Variants in EML6 observed in about 807,000 individuals in gnomAD.
The protein encoded by EML6 is EMAP like 6, also known as echinoderm microtubule-associated protein-like 6.
In EML6, 154 loss-of-function variants were observed where a neutral mutation model predicts 240.1. That is an observed-to-expected ratio of 0.64 (90% confidence interval 0.56 to 0.73). EML6 has a LOEUF of 0.73. Ranked by LOEUF, EML6 falls within the 30% of genes least tolerant of loss-of-function variation. The pLI is 0.00. For synonymous variants in EML6, 1,148 were observed against 899.0 expected (o/e 1.28, Z -4.95); for missense variants, 2,964 against 2,474.6 (o/e 1.20, Z -4.20).
intron 3 of EML6, 28 bp from the exon 4 acceptor site, chr2:54,816,759 G>C (rs1668099805): frequency 5.5e-6 from 8 of 1,459,990 alleles, no homozygotes; most frequent in African/African-American, 1.4e-5. Flanking sequence ...ATCACTTTTA[G>C]GTACTAAATT....
At chr2:54,895,057 T>C (rs1672690590) in intron 20 of EML6, 31 bp downstream of exon 20, 1 of 1,477,628 alleles carries the variant, frequency 6.8e-7, no homozygotes, top group Non-Finnish European at 9.3e-7. Flanking sequence ...ATAGAGATCT[T>C]TGTATTCATA....
intron 5 of EML6, among the ~76,000 whole-genome samples, chr2:54,827,267 G>C (rs1294558032): frequency 6.6e-6 from 1 of 152,188 alleles, no homozygotes; most frequent in Non-Finnish European, 1.5e-5. Context: ...TTGTCCACTT[G>C]ATTCCAACTC....
chr2:54,951,015 C>T (rs1158961542), intron 30 of EML6, among the ~76,000 whole-genome samples: 4 of 152,068 alleles, frequency 2.6e-5, no homozygotes, highest in Non-Finnish European at 5.9e-5. Flanking sequence ...AGAGAGAAGG[C>T]GGCCATGTTG....
chr2:54,800,970 TG>T (rs1670105547), intron 2 of EML6, among the ~76,000 whole-genome samples: 1 of 152,064 alleles, frequency 6.6e-6, no homozygotes, highest in Non-Finnish European at 1.5e-5. Context: ...TTACCCTTCA[TG>T]TTATCTGTTT....
intron 2 of EML6, among the ~76,000 whole-genome samples, chr2:54,731,636 G>T (rs1268811609): frequency 6.6e-6 from 1 of 151,960 alleles, no homozygotes; most frequent in East Asian, 1.9e-4. Context: ...ATATATATAT[G>T]ACTGTGTTTT....
At chr2:54,962,396 C>T in intron 35 of EML6, 127 bp from the exon 36 acceptor site, 1 of 732,142 alleles carries the variant, frequency 1.4e-6, no homozygotes, top group Non-Finnish European at 2.2e-6. Context: ...CCCCTGTCCA[C>T]CACCCCCATT....
intron 7 of EML6, among the ~76,000 whole-genome samples, chr2:54,840,124 A>T (rs920378832): frequency 6.6e-6 from 1 of 152,228 alleles, no homozygotes; most frequent in African/African-American, 2.4e-5. Context: ...TCTGTAATAA[A>T]GCATAAATAG....
intron 7 of EML6, among the ~76,000 whole-genome samples, chr2:54,838,692 A>T (rs1409004710): frequency 6.6e-6 from 1 of 152,258 alleles, no homozygotes; most frequent in South Asian, 2.1e-4. Context: ...TGGTCTTGGC[A>T]TAAGAGGATT....
At chr2:54,841,102 G>A (rs1043065815) in intron 7 of EML6, among the ~76,000 whole-genome samples, 9 of 152,232 alleles carry the variant, frequency 5.9e-5, no homozygotes, top group Non-Finnish European at 1.2e-4. Flanking sequence ...GACAAGGAGG[G>A]GGGGCTGTGG....
chr2:54,963,881 G>A (rs1332404598), intron 36 of EML6, 105 bp from the exon 37 acceptor site: 6 of 1,007,764 alleles, frequency 6.0e-6, no homozygotes, highest in South Asian at 1.8e-5. Context: ...GTGGCCTGCA[G>A]TGGCTGCGAG....
chr2:54,891,651 C>T (rs912815603), intron 18 of EML6, among the ~76,000 whole-genome samples: 2 of 152,176 alleles, frequency 1.3e-5, no homozygotes, highest in Non-Finnish European at 2.9e-5. Context: ...ATATCTCATT[C>T]TTCTCACTAA....
chr2:54,773,306 A>G (rs1022913350), intron 2 of EML6, among the ~76,000 whole-genome samples: 4 of 152,250 alleles, frequency 2.6e-5, no homozygotes, highest in African/African-American at 7.2e-5. Flanking sequence ...ATGTAGCCCA[A>G]AGCCGGGGCA....
intron 11 of EML6, among the ~76,000 whole-genome samples, chr2:54,855,111 G>C (rs1670302496): frequency 6.6e-6 from 1 of 152,208 alleles, no homozygotes; most frequent in African/African-American, 2.4e-5. Flanking sequence ...GCATGTGTTA[G>C]TCTATTCTTA....
intron 2 of EML6, among the ~76,000 whole-genome samples, chr2:54,732,588 C>G (rs529686220): frequency 8.5e-5 from 13 of 152,216 alleles, no homozygotes; most frequent in Non-Finnish European, 1.6e-4. Context: ...TGCCCACAGC[C>G]TTTGAATTCA....
At chr2:54,735,523 A>AATGACTGATT (rs1683351140) in intron 2 of EML6, among the ~76,000 whole-genome samples, 1 of 152,218 alleles carries the variant, frequency 6.6e-6, no homozygotes, top group Non-Finnish European at 1.5e-5. Flanking sequence ...GAATGGCAAT[A>AATGACTGATT]ATGACTGATT....
intron 26 of EML6, among the ~76,000 whole-genome samples, chr2:54,918,351 A>G (rs1404110562): frequency 2.6e-5 from 4 of 152,044 alleles, no homozygotes; most frequent in African/African-American, 9.7e-5. Context: ...ATTTATTTTA[A>G]CTAATGAATG....
intron 18 of EML6, among the ~76,000 whole-genome samples, chr2:54,891,581 T>A (rs1672470002): frequency 6.6e-6 from 1 of 152,174 alleles, no homozygotes; most frequent in African/African-American, 2.4e-5. Flanking sequence ...GTCCAATAAA[T>A]ATTGGTGGAT....
At position 54,869,320 on chromosome 2, in the gene EML6, C is replaced by G. The variant is rs1245062318; in HGVS notation, c.2191C>G (p.Leu731Val). Reference sequence around the variant, plus strand: ...GTACCTGGGGCACGATGACGACATTCTCAGCCTGACCATCCATCCAGTGAA... The same window carrying G: ...GTACCTGGGGCACGATGACGACATTGTCAGCCTGACCATCCATCCAGTGAA... ...RLYLGHDDDI[L>V]SLTIHPVKDY... The change falls in exon 15 of 42, where the codon CTC (leucine) becomes GTC (valine). Residue 731 changes from leucine to valine, a missense_variant. Leu to Val is a conservative substitution (Grantham distance 32). Coordinates refer to ENST00000356458, the MANE Select transcript of EML6 (RefSeq NM_001039753.4). The G allele has an allele frequency of 6.4e-7, 1 of 1,551,652 alleles. No individual in the cohort carries two copies. Among genetic ancestry groups the G allele is most frequent in the Non-Finnish European group, 8.7e-7 (1 of 1,146,924 alleles).
chr2:54,723,952 C>A (rs1451797415), intron 1 of EML6, among the ~76,000 whole-genome samples, 175 bp downstream of exon 1: 1 of 152,178 alleles, frequency 6.6e-6, no homozygotes, highest in Non-Finnish European at 1.5e-5. Context: ...GTTGCTGTCC[C>A]CCGGGTCCCT....
Sources: allele counts gnomAD v4.1 joint callset (sites outside exome capture counted in the v4.1 genomes callset), GRCh38; gene constraint gnomAD v4.1.1; transcripts MANE v1.5; gene names NCBI Gene and HGNC (gene_info 2026-07-23, HGNC 2026-07-21).